STX8: variants seen among roughly 807,000 people sequenced by gnomAD.
STX8 encodes the protein syntaxin-8.
A neutral mutation model predicts 37.5 loss-of-function variants in STX8; 23 were observed. That is an observed-to-expected ratio of 0.61 (90% CI 0.44 to 0.87). The LOEUF is 0.87. STX8 is among the 40% of genes least tolerant of loss of function. The pLI, the probability that STX8 is intolerant of heterozygous loss-of-function variation, is 0.00. For synonymous variants in STX8, 115 were observed against 99.1 expected, an observed-to-expected ratio of 1.16 and a Z score of -0.95; for missense variants, 313 against 284.7, an observed-to-expected ratio of 1.10 and a Z score of -0.71.
intron 6 of STX8, among the ~76,000 whole-genome samples, chr17:9,411,319 T>TC (rs1912970755): frequency 6.6e-6 from 1 of 152,174 alleles, no homozygotes; most frequent in Non-Finnish European, 1.5e-5. Context: ...AACAAAGGCT[T>TC]CCCCACTTGG....
intron 6 of STX8, among the ~76,000 whole-genome samples, chr17:9,465,768 A>C (rs1905586725): frequency 6.6e-6 from 1 of 152,146 alleles, no homozygotes; most frequent in South Asian, 2.1e-4. Context: ...CAGGGCAGCC[A>C]CTGCACTGAG....
chr17:9,536,753 T>TC (rs1402824909), intron 4 of STX8, among the ~76,000 whole-genome samples: 1 of 151,860 alleles, frequency 6.6e-6, no homozygotes, highest in African/African-American at 2.4e-5. Context: ...TATTATTTTT[T>TC]TTTTTTTGAG....
rs138174443 is a variant in STX8, at chr17:9,415,193, G to C, written c.542-36540C>G. Among the ~76,000 whole-genome samples, 485 of 152,196 alleles carry C rather than the reference G, an allele frequency of 3.2e-3. 2 individuals are homozygous for C. Among genetic ancestry groups the C allele is most frequent in the Middle Eastern group, 0.01 (3 of 294 alleles). On this transcript the variant is annotated intron_variant, in intron 6 of 7. Transcript: ENST00000306357. ...TGGTGGACAACAGCCTCTTTTTCTA[G>C]CATCTTCAAACCTCTTTTCCTTTCT...
At chr17:9,341,864 G>C (rs1428272999) in intron 7 of STX8, among the ~76,000 whole-genome samples, 3 of 152,186 alleles carry the variant, frequency 2.0e-5, no homozygotes, top group Admixed American at 2.0e-4. Flanking sequence ...GAAATAACTG[G>C]TTTGGCTATA....
chr17:9,508,186 C>G (rs950658545), intron 4 of STX8, among the ~76,000 whole-genome samples: 1 of 152,072 alleles, frequency 6.6e-6, no homozygotes, highest in Non-Finnish European at 1.5e-5. Flanking sequence ...GAAAACAATT[C>G]ATGACTTGAA....
rs190469392 is a variant in STX8, at chr17:9,260,399, G to A, written c.644-9754C>T. Among the ~76,000 whole-genome samples, 14 of 152,264 alleles carry A rather than the reference G, an allele frequency of 9.2e-5. No homozygotes were observed. In the East Asian group the frequency reaches 2.3e-3, roughly 25 times the overall value. ...AGCAATTTGGGAGGCCAAGGCGGGCGGATCCCCTGAGGCCGGGAGTTTGAG... is the reference window on the plus strand; with the variant it reads ...AGCAATTTGGGAGGCCAAGGCGGGCAGATCCCCTGAGGCCGGGAGTTTGAG... On this transcript the variant is annotated intron_variant, in intron 7 of 7. Transcript: ENST00000306357.
intron 2 of STX8, among the ~76,000 whole-genome samples, chr17:9,559,848 C>T (rs965844067): frequency 0.33 from 16 of 48 alleles, no homozygotes; most frequent in East Asian, 0.5. Context: ...CTACAACCTC[C>T]GCCTCCCGTT....
intron 7 of STX8, among the ~76,000 whole-genome samples, chr17:9,318,500 A>G (rs1194404691): frequency 1.3e-5 from 2 of 152,166 alleles, no homozygotes; most frequent in Non-Finnish European, 2.9e-5. Context: ...TAAATGACCC[A>G]CACCCTAACC....
chr17:9,433,361 T>A (rs1914042752), intron 6 of STX8, among the ~76,000 whole-genome samples: 1 of 152,240 alleles, frequency 6.6e-6, no homozygotes, highest in Non-Finnish European at 1.5e-5. Flanking sequence ...CGTGAGCACT[T>A]GCATTGCACA....
At position 9,253,619 on chromosome 17, in the gene STX8, G is replaced by A. The variant is rs560099998; in HGVS notation, c.644-2974C>T. Among the ~76,000 whole-genome samples, 3 of 152,202 alleles carry A rather than the reference G, an allele frequency of 2.0e-5. No individual in the cohort carries two copies. In the East Asian group the frequency reaches 5.8e-4, roughly 29 times the overall value. ...GGCTCACCCTAAGATGACAGGGAGGGGCTGGCAGCTGAGGAGATGAGGGAG... is the reference window on the plus strand; with the variant it reads ...GGCTCACCCTAAGATGACAGGGAGGAGCTGGCAGCTGAGGAGATGAGGGAG... On this transcript the variant is annotated intron_variant, in intron 7 of 7. Coordinates refer to ENST00000306357, the MANE Select transcript of STX8 (RefSeq NM_004853.3).
At chr17:9,537,764 C>T (rs1226470860) in intron 4 of STX8, among the ~76,000 whole-genome samples, 2 of 152,216 alleles carry the variant, frequency 1.3e-5, no homozygotes, top group East Asian at 3.8e-4. Context: ...GATCAAGAGA[C>T]AAAATATACA....
At chr17:9,310,371 A>C (rs1909150872) in intron 7 of STX8, among the ~76,000 whole-genome samples, 1 of 152,180 alleles carries the variant, frequency 6.6e-6, no homozygotes, top group African/African-American at 2.4e-5. Flanking sequence ...TAACTCTCTA[A>C]GTAAAGCTGA....
At chr17:9,383,517 A>G (rs1911887581) in intron 6 of STX8, among the ~76,000 whole-genome samples, 1 of 152,220 alleles carries the variant, frequency 6.6e-6, no homozygotes, top group Admixed American at 6.5e-5. Context: ...CAGAGCTAAC[A>G]TCATACTTAC....
Position 9,524,762 on chromosome 17 carries a change from ATTTGT to A in STX8, c.324-19605_324-19601del, listed in dbSNP as rs895379308. Among the ~76,000 whole-genome samples the A allele has an allele frequency of 4.9e-4, 67 of 136,754 alleles. 1 individual carries two copies. The highest frequency in any genetic ancestry group is 3.7e-3 in the Admixed American group (50 of 13,590). The allele number at this position is 136,754 out of a possible 152,430, so 89.7% of individuals were successfully genotyped here. On this transcript the variant is annotated intron_variant, in intron 4 of 7. Transcript: ENST00000306357. ...ATTATCAAGATGGACACCTATTTTG[ATTTGT>A]TTTGTTTTGTTTTGTTTTTGTTTGT...
At chr17:9,468,583 C>A (rs1051614163) in intron 6 of STX8, among the ~76,000 whole-genome samples, 10 of 152,222 alleles carry the variant, frequency 6.6e-5, no homozygotes, top group Non-Finnish European at 1.5e-5. Flanking sequence ...CAATATCCCA[C>A]GTGTGGCAGG....
At chr17:9,398,050 A>G (rs897100847) in intron 6 of STX8, among the ~76,000 whole-genome samples, 3 of 152,056 alleles carry the variant, frequency 2.0e-5, no homozygotes, top group Admixed American at 6.6e-5. Flanking sequence ...GTGAAGGCGA[A>G]GAGACAAATC....
At chr17:9,401,864 A>G (rs1028195497) in intron 6 of STX8, among the ~76,000 whole-genome samples, 1 of 152,198 alleles carries the variant, frequency 6.6e-6, no homozygotes, top group African/African-American at 2.4e-5. Context: ...ACTTTACAAG[A>G]GAGCATTCCT....
At chr17:9,462,191 G>T (rs1050306625) in intron 6 of STX8, among the ~76,000 whole-genome samples, 13 of 152,114 alleles carry the variant, frequency 8.5e-5, no homozygotes, top group African/African-American at 3.1e-4. Flanking sequence ...GGTTCTATCG[G>T]AGGAGAAGCA....
chr17:9,451,282 A>G (rs1014746310), intron 6 of STX8, among the ~76,000 whole-genome samples: 9 of 152,162 alleles, frequency 5.9e-5, no homozygotes, highest in Non-Finnish European at 7.3e-5. Flanking sequence ...ACAGGATCCC[A>G]TAAGTCAATG....
Sources: allele counts gnomAD v4.1 joint callset (sites outside exome capture counted in the v4.1 genomes callset), GRCh38; gene constraint gnomAD v4.1.1; transcripts MANE v1.5; gene names NCBI Gene and HGNC (gene_info 2026-07-23, HGNC 2026-07-21).